Variants in ZHX2 observed in about 807,000 individuals in gnomAD.
ZHX2 encodes the protein zinc fingers and homeoboxes 2, also known as zinc fingers and homeoboxes protein 2.
A neutral mutation model predicts 21.9 loss-of-function variants in ZHX2; 6 were observed. That is an observed-to-expected ratio of 0.27 (90% CI 0.15 to 0.54). ZHX2 has a LOEUF of 0.54. Ranked by LOEUF, ZHX2 falls within the 20% of genes least tolerant of loss-of-function variation. ZHX2 has a pLI of 0.95. For synonymous variants in ZHX2, 434 were observed against 437.1 expected (o/e 0.99, Z 0.09); for missense variants, 908 against 1,090.7 (o/e 0.83, Z 2.36).
intron 2 of ZHX2, among the ~76,000 whole-genome samples, chr8:122,925,733 T>G (rs113313399): frequency 0.022 from 3,331 of 152,242 alleles, 111 homozygotes; most frequent in African/African-American, 0.076. Context: ...TGACACACAC[T>G]GGGTGAATCA....
intron 2 of ZHX2, among the ~76,000 whole-genome samples, chr8:122,927,282 G>A (rs1820882095): frequency 6.6e-6 from 1 of 152,174 alleles, no homozygotes; most frequent in Admixed American, 6.5e-5. Context: ...ATCACTTGAG[G>A]TCAGGCATTC....
chr8:122,822,779 T>A (rs1461664649), intron 1 of ZHX2, among the ~76,000 whole-genome samples: 1 of 152,244 alleles, frequency 6.6e-6, no homozygotes, highest in African/African-American at 2.4e-5. Context: ...GGCCTGTGCC[T>A]GGGCTATCGG....
intron 1 of ZHX2, among the ~76,000 whole-genome samples, chr8:122,861,714 T>G (rs1819172588): frequency 6.6e-6 from 1 of 152,208 alleles, no homozygotes; most frequent in African/African-American, 2.4e-5. Context: ...GATAACTGTG[T>G]GACCTCAGGA....
Position 122,953,587 on chromosome 8 carries a change from C to A in ZHX2, c.2077C>A (p.Gln693Lys). ...LKTGTVKWME[Q>K]YQHQPMADDH... Reference sequence around the variant, plus strand: ...AACGGGAACCGTGAAGTGGATGGAGCAGTACCAGCACCAGCCCATGGCAGA... The same window carrying A: ...AACGGGAACCGTGAAGTGGATGGAGAAGTACCAGCACCAGCCCATGGCAGA... The change falls in exon 3 of 4, where the codon CAG becomes AAG. Residue 693 changes from glutamine to lysine, a missense_variant. Physicochemically the swap from Gln to Lys is moderately conservative, Grantham distance 53. Around this residue, in one of 4 missense-constraint regions of ZHX2, gnomAD observed 431 missense variants for 428.6 expected, o/e 1.01. Transcript: ENST00000314393. This position sits in a 1 kb window ranked among gnomAD's most constrained non-coding sequence, Gnocchi z 4.6. 1 of 1,614,174 alleles carries A rather than the reference C, an allele frequency of 6.2e-7. No individual in the cohort carries two copies. The highest frequency in any genetic ancestry group is 8.5e-7 in the Non-Finnish European group (1 of 1,180,056).
chr8:122,907,895 T>G (rs979042976), intron 2 of ZHX2, among the ~76,000 whole-genome samples: 1 of 152,216 alleles, frequency 6.6e-6, no homozygotes, highest in Non-Finnish European at 1.5e-5. Flanking sequence ...GGGGTTTTTT[T>G]GTTAATCTGA....
intron 1 of ZHX2, among the ~76,000 whole-genome samples, chr8:122,862,379 G>A (rs1243006116): frequency 6.6e-6 from 1 of 152,188 alleles, no homozygotes; most frequent in Admixed American, 6.5e-5. Context: ...GTGGAGAATG[G>A]GCTGCAACTT....
At chr8:122,868,059 G>A (rs941949661) in intron 2 of ZHX2, among the ~76,000 whole-genome samples, 11 of 152,160 alleles carry the variant, frequency 7.2e-5, no homozygotes, top group African/African-American at 2.4e-4. Context: ...GCATGTGGAC[G>A]AATGTCTTTG....
intron 1 of ZHX2, among the ~76,000 whole-genome samples, chr8:122,825,013 A>C (rs1818233325): frequency 6.6e-6 from 1 of 152,114 alleles, no homozygotes; most frequent in African/African-American, 2.4e-5. Context: ...TTCATTCATA[A>C]AGACCCTTGT....
intron 1 of ZHX2, among the ~76,000 whole-genome samples, chr8:122,819,033 C>T (rs971414296): frequency 1.3e-5 from 2 of 152,170 alleles, no homozygotes; most frequent in African/African-American, 4.8e-5. Context: ...TCTAGATGCT[C>T]AGGGGAGAAG....
intron 3 of ZHX2, among the ~76,000 whole-genome samples, chr8:122,972,815 C>G (rs1037036332): frequency 2.0e-5 from 3 of 152,144 alleles, no homozygotes; most frequent in African/African-American, 7.2e-5. Flanking sequence ...TGATCAAGTC[C>G]TATAGGTACA....
intron 2 of ZHX2, among the ~76,000 whole-genome samples, chr8:122,946,119 T>C (rs1257473397): frequency 1.3e-5 from 2 of 152,268 alleles, no homozygotes; most frequent in African/African-American, 2.4e-5. Context: ...ACATGTATTT[T>C]GTGTATTCAT....
At chr8:122,823,928 T>G (rs906791306) in intron 1 of ZHX2, among the ~76,000 whole-genome samples, 2 of 152,244 alleles carry the variant, frequency 1.3e-5, no homozygotes, top group African/African-American at 2.4e-5. Flanking sequence ...TTGTCTGTTT[T>G]GTTGAAGACT....
intron 2 of ZHX2, among the ~76,000 whole-genome samples, chr8:122,897,791 A>T (rs978426082): frequency 6.6e-6 from 1 of 152,270 alleles, no homozygotes; most frequent in East Asian, 1.9e-4. Flanking sequence ...CTGGGTAACC[A>T]GATGGTTGGA....
chr8:122,786,996 T>G (rs529919352), intron 1 of ZHX2, among the ~76,000 whole-genome samples: 2 of 150,548 alleles, frequency 1.3e-5, no homozygotes, highest in Non-Finnish European at 3.0e-5. Flanking sequence ...CACCCTACAT[T>G]GAGCAGGTTG....
intron 3 of ZHX2, among the ~76,000 whole-genome samples, chr8:122,957,352 T>G (rs1231756674): frequency 6.7e-6 from 1 of 148,888 alleles, no homozygotes; most frequent in Non-Finnish European, 1.5e-5. Flanking sequence ...TTATGGTAAA[T>G]GCCCCACCTG....
intron 1 of ZHX2, among the ~76,000 whole-genome samples, chr8:122,835,160 C>A (rs1013901161): frequency 6.6e-6 from 1 of 152,178 alleles, no homozygotes; most frequent in African/African-American, 2.4e-5. Context: ...TGGAAATGAA[C>A]CGAATCTTTT....
intron 3 of ZHX2, among the ~76,000 whole-genome samples, chr8:122,969,176 A>G (rs1230326450): frequency 6.6e-6 from 1 of 151,422 alleles, no homozygotes; most frequent in Non-Finnish European, 1.5e-5. Context: ...AAAAAGAGAG[A>G]GAGAGAAATA....
At chr8:122,915,883 G>A (rs1233719873) in intron 2 of ZHX2, among the ~76,000 whole-genome samples, 2 of 152,242 alleles carry the variant, frequency 1.3e-5, no homozygotes, top group Non-Finnish European at 2.9e-5. Context: ...GGCAAGGAAA[G>A]AGGGTGATGG....
At chr8:122,946,477 GTTTTAGAAGATGCTTTTA>G (rs1812977802) in intron 2 of ZHX2, among the ~76,000 whole-genome samples, 2 of 152,052 alleles carry the variant, frequency 1.3e-5, no homozygotes, top group African/African-American at 4.8e-5. Context: ...TGCTGAATGA[GTTTTAGAAGATGCTTTTA>G]TTTTGAACCA....
Sources: gnomAD v4.1 joint callset for allele counts (sites outside exome capture counted in the v4.1 genomes callset) on GRCh38, gnomAD v4.1.1 for gene constraint, gnomAD v4.1.1 regional missense constraint, Gnocchi (gnomAD v3.1) non-coding constraint, MANE v1.5 for transcripts, NCBI Gene and HGNC (gene_info 2026-07-23, HGNC 2026-07-21) for gene names.